ROR1: variants seen among roughly 807,000 people sequenced by gnomAD.
ROR1 encodes the protein inactive tyrosine-protein kinase transmembrane receptor ROR1.
Under a neutral mutation model 78.8 loss-of-function variants are expected in ROR1, and 19 were observed. That is an observed-to-expected ratio of 0.24 (90% CI 0.17 to 0.35). The LOEUF is 0.35. Ranked by LOEUF, ROR1 falls within the 10% of genes least tolerant of loss-of-function variation. The pLI, the probability that ROR1 is intolerant of heterozygous loss-of-function variation, is 1.00. For missense variants in ROR1, 917 were observed against 1,177.8 expected, an observed-to-expected ratio of 0.78 and a Z score of 3.24; for synonymous variants, 386 against 433.6, an observed-to-expected ratio of 0.89 and a Z score of 1.36.
intron 1 of ROR1, among the ~76,000 whole-genome samples, chr1:63,799,656 T>G (rs1644783816): frequency 6.6e-6 from 1 of 151,074 alleles, no homozygotes; most frequent in Admixed American, 6.6e-5. Flanking sequence ...TTTTTTTTTG[T>G]TTTTAAACAG....
chr1:64,134,493 TA>T lies in ROR1; in HGVS notation c.483-2872del, dbSNP rs543175447. Among the ~76,000 whole-genome samples the T allele has an allele frequency of 1.9e-4, 29 of 152,288 alleles. No homozygotes were observed. The South Asian group carries it at 6.0e-3, about 32-fold the overall frequency. On this transcript the variant is annotated intron_variant, in intron 4 of 8. Transcript: ENST00000371079. ...TCTCTGAATTTGAGTTTCTCTCTCG[TA>T]AAATAAGGATAATAGCTCATCAGGG...
chr1:64,177,744 C>A lies in ROR1; in HGVS notation c.1703C>A (p.Ser568Tyr). ...CTCCATGAGTTCCTCATCATGAGAT[C>A]CCCACACTCTGATGTTGGCTGCAGC... ...GDLHEFLIMR[S>Y]PHSDVGCSSD... The change falls in exon 9 of 9, where the codon TCC becomes TAC. Residue 568 changes from serine (S) to tyrosine (Y), a missense_variant. Around this residue, in one of 3 missense-constraint regions of ROR1, gnomAD observed 835 missense variants for 1,069.8 expected, o/e 0.78. Coordinates refer to ENST00000371079, the MANE Select transcript of ROR1 (RefSeq NM_005012.4). 3 of 1,614,136 alleles carry A rather than the reference C, an allele frequency of 1.9e-6. No individual in the cohort carries two copies. Among genetic ancestry groups the A allele is most frequent in the Non-Finnish European group, 2.5e-6 (3 of 1,180,004 alleles).
chr1:63,873,369 A>G (rs115097922), intron 1 of ROR1, among the ~76,000 whole-genome samples: 167 of 152,202 alleles, frequency 1.1e-3, no homozygotes, highest in Non-Finnish European at 1.9e-3. Context: ...CTTAGTGTGT[A>G]TTATCTCCCA....
chr1:63,922,647 G>T (rs1645666014), intron 1 of ROR1, among the ~76,000 whole-genome samples: 1 of 152,168 alleles, frequency 6.6e-6, no homozygotes, highest in South Asian at 2.1e-4. Flanking sequence ...GGCAACTGAA[G>T]ACAGCAGGCT....
In ROR1 at chr1:63,851,249, A is replaced by G. The variant is rs139303842; in HGVS notation, c.91+76741A>G. 5.5e-3 allele frequency among the ~76,000 whole-genome samples: 843 copies of G among 152,284 alleles called. 8 individuals are homozygous for G. Among genetic ancestry groups the G allele is most frequent in the African/African-American group, 0.019 (802 of 41,560 alleles). ...AGCCTCGGCCTCCTAAAGTACTGGG[A>G]TTACAGGCGTGAGCCACTGCGCCCG... On this transcript the variant is annotated intron_variant, in intron 1 of 8. Coordinates refer to ENST00000371079, the MANE Select transcript of ROR1 (RefSeq NM_005012.4).
intron 2 of ROR1, among the ~76,000 whole-genome samples, chr1:64,028,647 TAA>T (rs201176702): frequency 6.6e-6 from 1 of 152,110 alleles, no homozygotes; most frequent in African/African-American, 2.4e-5. Flanking sequence ...TAAGAGGACT[TAA>T]AAAAAATTTT....
At chr1:63,877,630 C>A (rs184631124) in intron 1 of ROR1, among the ~76,000 whole-genome samples, 2 of 152,180 alleles carry the variant, frequency 1.3e-5, no homozygotes, top group Admixed American at 1.3e-4. Flanking sequence ...GCTGAAGACT[C>A]AGTAAGTAAA....
At chr1:64,024,317 C>T (rs1300874896) in intron 2 of ROR1, among the ~76,000 whole-genome samples, 2 of 151,910 alleles carry the variant, frequency 1.3e-5, no homozygotes, top group East Asian at 1.9e-4. Context: ...CCTGTCTGTA[C>T]TAAAAATACA....
At chr1:64,054,163 G>A (rs1036847277) in intron 4 of ROR1, among the ~76,000 whole-genome samples, 6 of 152,048 alleles carry the variant, frequency 3.9e-5, no homozygotes, top group African/African-American at 7.2e-5. Context: ...CATGTTGGCC[G>A]GGCTGGTCTC....
intron 1 of ROR1, among the ~76,000 whole-genome samples, chr1:63,989,162 G>GTTTTTTTTTTTTTT (rs1287163623): frequency 8.5e-6 from 1 of 117,398 alleles, no homozygotes; most frequent in African/African-American, 2.9e-5. Context: ...GTCATTTTCT[G>GTTTTTTTTTTTTTT]TTTTTGTTTT....
At chr1:63,907,190 AG>A (rs550902359) in intron 1 of ROR1, among the ~76,000 whole-genome samples, 24 of 152,316 alleles carry the variant, frequency 1.6e-4, no homozygotes, top group African/African-American at 5.8e-4. Flanking sequence ...AGGACATTCT[AG>A]GCTGAGAGTG....
chr1:64,093,842 G>A (rs11208355), intron 4 of ROR1, among the ~76,000 whole-genome samples: 92,128 of 152,006 alleles, frequency 0.61, 29,376 homozygotes, highest in African/African-American at 0.81. Flanking sequence ...CCTGGAAAAG[G>A]GCAGGAAGAA....
chr1:64,095,812 G>A (rs537007430), intron 4 of ROR1, among the ~76,000 whole-genome samples: 18 of 152,216 alleles, frequency 1.2e-4, no homozygotes, highest in Middle Eastern at 3.4e-3. Context: ...AGTGATCTAA[G>A]GAAGAGTATC....
At chr1:64,016,733 T>TTATATATATATATATA (rs58622476) in intron 2 of ROR1, among the ~76,000 whole-genome samples, 3,707 of 140,450 alleles carry the variant, frequency 0.026, 110 homozygotes, top group South Asian at 0.11. Context: ...TAAAATATAA[T>TTATATATATATATATA]TATATATATA....
chr1:63,937,697 G>A (rs1248663422), intron 1 of ROR1, among the ~76,000 whole-genome samples: 1 of 152,092 alleles, frequency 6.6e-6, no homozygotes, highest in Non-Finnish European at 1.5e-5. Context: ...AGGTGCAGGT[G>A]GTTTTGGGAA....
intron 8 of ROR1, among the ~76,000 whole-genome samples, chr1:64,166,394 A>G (rs1289059312): frequency 6.6e-6 from 1 of 152,214 alleles, no homozygotes; most frequent in Non-Finnish European, 1.5e-5. Flanking sequence ...TCTGTGAAGA[A>G]TATCAATGGT....
chr1:63,788,820 C>A, intron 1 of ROR1: 1 of 645,276 alleles, frequency 1.5e-6, no homozygotes, highest in South Asian at 1.4e-5. Context: ...TCTTAGACCT[C>A]TGGGCCTCAA....
At chr1:64,005,228 C>A (rs1646418511) in intron 1 of ROR1, among the ~76,000 whole-genome samples, 1 of 152,216 alleles carries the variant, frequency 6.6e-6, no homozygotes, top group South Asian at 2.1e-4. Context: ...TATGAAAGCC[C>A]TTGAGTCTCT....
At chr1:64,080,413 G>A (rs1486839752) in intron 4 of ROR1, among the ~76,000 whole-genome samples, 1 of 152,128 alleles carries the variant, frequency 6.6e-6, no homozygotes, top group Admixed American at 6.5e-5. Context: ...ACCATGGTCT[G>A]TTTTTAAGTC....
Sources: gnomAD v4.1 joint callset for allele counts (sites outside exome capture counted in the v4.1 genomes callset) on GRCh38, gnomAD v4.1.1 for gene constraint, gnomAD v4.1.1 regional missense constraint, MANE v1.5 for transcripts, NCBI Gene and HGNC (gene_info 2026-07-23, HGNC 2026-07-21) for gene names.